RGS7: variants seen among roughly 807,000 people sequenced by gnomAD.
RGS7 encodes regulator of G protein signaling 7.
RGS7 carries 27 observed loss-of-function variants against 81.1 expected under a neutral mutation model. That is an observed-to-expected ratio of 0.33 (90% CI 0.25 to 0.46). The LOEUF (loss-of-function observed/expected upper bound fraction) is 0.46. RGS7 is among the 20% of genes least tolerant of loss of function. The probability of loss-of-function intolerance (pLI) is 1.00; values close to 1 mark genes in which losing one functional copy is unlikely to be tolerated. For missense variants in RGS7, 396 were observed against 607.4 expected (o/e 0.65, Z 3.66); for synonymous variants, 208 against 207.7 (o/e 1.00, Z -0.01).
At chr1:241,036,327 T>C (rs1463945586) in intron 3 of RGS7, among the ~76,000 whole-genome samples, 1 of 152,228 alleles carries the variant, frequency 6.6e-6, no homozygotes, top group African/African-American at 2.4e-5. Context: ...AAGTATAGAA[T>C]AGTTGCATTA....
intron 2 of RGS7, among the ~76,000 whole-genome samples, chr1:241,277,900 C>T (rs2078279873): frequency 2.6e-5 from 4 of 152,178 alleles, no homozygotes; most frequent in Admixed American, 1.3e-4. Context: ...TAAAGTTTTA[C>T]TGAGTTGCAT....
chr1:241,154,026 T>A (rs2068940075), intron 2 of RGS7, among the ~76,000 whole-genome samples: 1 of 152,234 alleles, frequency 6.6e-6, no homozygotes, highest in South Asian at 2.1e-4. Context: ...AATCCTGTGC[T>A]CTCTTCTGTA....
Position 240,874,526 on chromosome 1 carries a change from T to C in RGS7, c.386-4407A>G, listed in dbSNP as rs183152441. Among the ~76,000 whole-genome samples the C allele has an allele frequency of 1.8e-3, 270 of 152,344 alleles. 1 individual carries two copies. Among genetic ancestry groups the C allele is most frequent in the African/African-American group, 5.4e-3 (226 of 41,588 alleles). ...TGCTGAGATAAAAAATTAAATCTGG[T>C]ATGTAACAAAAATAAATATGTGCTT... On this transcript the variant is annotated intron_variant, in intron 6 of 18. Transcript: ENST00000440928.
chr1:240,932,956 T>G (rs1675839715), intron 5 of RGS7, among the ~76,000 whole-genome samples: 1 of 129,808 alleles, frequency 7.7e-6, no homozygotes, highest in Admixed American at 9.1e-5. Context: ...CGATCTCGGC[T>G]CACTGCAAGC....
At chr1:240,891,728 T>C (rs541516590) in intron 6 of RGS7, among the ~76,000 whole-genome samples, 1 of 152,336 alleles carries the variant, frequency 6.6e-6, no homozygotes, top group Admixed American at 6.5e-5. Context: ...CAATAATTAA[T>C]TTTAATATTT....
intron 4 of RGS7, among the ~76,000 whole-genome samples, chr1:240,979,339 TATA>T (rs1286192318): frequency 2.6e-5 from 4 of 152,156 alleles, no homozygotes; most frequent in Non-Finnish European, 5.9e-5. Flanking sequence ...AAGACCCACA[TATA>T]ATAATAACAC....
At chr1:240,958,736 A>T (rs530991010) in intron 4 of RGS7, among the ~76,000 whole-genome samples, 1 of 152,320 alleles carries the variant, frequency 6.6e-6, no homozygotes, top group South Asian at 2.1e-4. Flanking sequence ...ATTTATGTAT[A>T]TGTCAAAAAG....
intron 6 of RGS7, among the ~76,000 whole-genome samples, chr1:240,912,552 AG>A (rs1189400698): frequency 6.6e-6 from 1 of 152,094 alleles, no homozygotes; most frequent in Non-Finnish European, 1.5e-5. Flanking sequence ...AATGCACTTG[AG>A]GGATGGTCAA....
At chr1:241,223,068 T>A (rs1429666685) in intron 2 of RGS7, among the ~76,000 whole-genome samples, 2 of 152,196 alleles carry the variant, frequency 1.3e-5, no homozygotes, top group African/African-American at 4.8e-5. Flanking sequence ...CTATTATTGA[T>A]GGACATTTAA....
At position 241,328,250 on chromosome 1, in the gene RGS7, C is replaced by T. The variant is rs552831192; in HGVS notation, c.78+27449G>A. ...GATTGTATTTGGAGTCAGGGCTTTG[C>T]CACTGGCTAGTAACCTTGTTCCAAT... On this transcript the variant is annotated intron_variant, in intron 2 of 18. Transcript: ENST00000440928. Among the ~76,000 whole-genome samples the T allele has an allele frequency of 2.0e-5, 3 of 152,324 alleles. No individual in the cohort carries two copies. The South Asian group carries it at 6.2e-4, about 32-fold the overall frequency.
At chr1:241,314,471 C>T (rs189593440) in intron 2 of RGS7, among the ~76,000 whole-genome samples, 59 of 152,274 alleles carry the variant, frequency 3.9e-4, no homozygotes, top group Non-Finnish European at 7.8e-4. Flanking sequence ...TTCTTTGACA[C>T]TTATTAGACT....
chr1:241,028,908 G>A (rs2059927680), intron 3 of RGS7, among the ~76,000 whole-genome samples: 1 of 152,102 alleles, frequency 6.6e-6, no homozygotes, highest in African/African-American at 2.4e-5. Context: ...ATGCGAACTG[G>A]GGCAGCCAGA....
intron 6 of RGS7, among the ~76,000 whole-genome samples, chr1:240,894,445 C>G (rs1668724853): frequency 6.6e-6 from 1 of 152,016 alleles, no homozygotes. Flanking sequence ...GTCTAACATC[C>G]TTTACTCTAT....
intron 4 of RGS7, among the ~76,000 whole-genome samples, chr1:240,964,838 T>C (rs1682026130): frequency 6.6e-6 from 1 of 152,162 alleles, no homozygotes. Context: ...ATCAAATCTA[T>C]TTTTTAAAGA....
intron 6 of RGS7, among the ~76,000 whole-genome samples, chr1:240,923,848 T>C (rs1374896642): frequency 1.3e-5 from 2 of 152,194 alleles, no homozygotes; most frequent in East Asian, 3.8e-4. Flanking sequence ...ATATCTTAAA[T>C]TCTCAGTTTT....
intron 2 of RGS7, among the ~76,000 whole-genome samples, chr1:241,242,479 C>T (rs111617353): frequency 6.6e-6 from 1 of 152,148 alleles, no homozygotes; most frequent in Non-Finnish European, 1.5e-5. Context: ...TTCTTTTCCT[C>T]TGGGTAGATA....
chr1:240,911,863 CG>C (rs1671804482), intron 6 of RGS7, among the ~76,000 whole-genome samples: 1 of 151,684 alleles, frequency 6.6e-6, no homozygotes, highest in African/African-American at 2.4e-5. Context: ...ATTTTCTGGC[CG>C]GGCGCAGTGG....
At chr1:240,856,215 C>T (rs1028392386) in intron 9 of RGS7, among the ~76,000 whole-genome samples, 6 of 152,052 alleles carry the variant, frequency 3.9e-5, no homozygotes, top group Admixed American at 2.6e-4. Flanking sequence ...TGTCTTTATG[C>T]GTGAAAAGTT....
intron 2 of RGS7, among the ~76,000 whole-genome samples, chr1:241,114,418 G>C (rs1032305638): frequency 1.3e-5 from 2 of 151,832 alleles, no homozygotes; most frequent in Non-Finnish European, 2.9e-5. Context: ...GGTGGTGGAC[G>C]ATTACCTTGC....
Sources: allele counts gnomAD v4.1 joint callset (sites outside exome capture counted in the v4.1 genomes callset), GRCh38; gene constraint gnomAD v4.1.1; transcripts MANE v1.5; gene names NCBI Gene and HGNC (gene_info 2026-07-23, HGNC 2026-07-21).